Variants in NRXN1 observed in about 807,000 individuals in gnomAD.
The protein encoded by NRXN1 is neurexin 1, also known as neurexin-1.
In NRXN1, 39 loss-of-function variants were observed where a neutral mutation model predicts 150.9. That is an observed-to-expected ratio of 0.26 (90% CI 0.20 to 0.34). The LOEUF is 0.34. NRXN1 is among the 10% of genes least tolerant of loss of function. The pLI is 1.00. For synonymous variants in NRXN1, 924 were observed against 757.0 expected, an observed-to-expected ratio of 1.22 and a Z score of -3.62; for missense variants, 1,815 against 1,949.9, an observed-to-expected ratio of 0.93 and a Z score of 1.30.
intron 5 of NRXN1, among the ~76,000 whole-genome samples, chr2:50,884,446 T>G (rs942505231): frequency 3.3e-5 from 5 of 151,762 alleles, no homozygotes; most frequent in Non-Finnish European, 7.4e-5. Context: ...AAAATGTTTG[T>G]TTGTGAGCAA....
chr2:50,915,384 C>G (rs2104173387), intron 5 of NRXN1, among the ~76,000 whole-genome samples: 1 of 151,634 alleles, frequency 6.6e-6, no homozygotes, highest in African/African-American at 2.4e-5. Context: ...GTCTATCTCC[C>G]TGCCTCCTTC....
intron 5 of NRXN1, among the ~76,000 whole-genome samples, chr2:50,672,612 A>G (rs1285033339): frequency 6.6e-6 from 1 of 152,012 alleles, no homozygotes; most frequent in African/African-American, 2.4e-5. Context: ...TTTTCTTATG[A>G]GTAAAATGTG....
At chr2:50,437,789 T>C (rs1019798640) in intron 17 of NRXN1, among the ~76,000 whole-genome samples, 1 of 152,156 alleles carries the variant, frequency 6.6e-6, no homozygotes, top group Non-Finnish European at 1.5e-5. Context: ...AATACAACGC[T>C]GGTCACCAAG....
At chr2:50,471,186 C>A (rs2089422792) in intron 16 of NRXN1, among the ~76,000 whole-genome samples, 1 of 151,638 alleles carries the variant, frequency 6.6e-6, no homozygotes, top group Non-Finnish European at 1.5e-5. Flanking sequence ...TCTAACATTT[C>A]AGTGAACCTG....
chr2:50,647,708 C>T (rs1573954726), intron 5 of NRXN1, among the ~76,000 whole-genome samples: 1 of 151,924 alleles, frequency 6.6e-6, no homozygotes, highest in African/African-American at 2.4e-5. Context: ...CCAGGATGTT[C>T]ATTACAGCCT....
chr2:50,456,943 A>G (rs1443329306), intron 17 of NRXN1, among the ~76,000 whole-genome samples: 6 of 152,186 alleles, frequency 3.9e-5, no homozygotes, highest in African/African-American at 1.4e-4. Context: ...GGTCAACACA[A>G]TTCTGAATCT....
chr2:50,297,041 C>G (rs1299576736), intron 17 of NRXN1, among the ~76,000 whole-genome samples: 2 of 147,820 alleles, frequency 1.4e-5, no homozygotes, highest in Non-Finnish European at 3.0e-5. Context: ...TGCCACCACA[C>G]CCAGCTAATT....
intron 5 of NRXN1, among the ~76,000 whole-genome samples, chr2:50,734,411 A>G (rs532925738): frequency 3.1e-4 from 47 of 152,308 alleles, no homozygotes; most frequent in African/African-American, 8.9e-4. Flanking sequence ...TCATCATTTC[A>G]AGATAAAATG....
At position 50,457,907 on chromosome 2, in the gene NRXN1, T is replaced by C. The variant is rs187740633; in HGVS notation, c.3364+7535A>G. Among the ~76,000 whole-genome samples, 517 of 152,256 alleles carry C rather than the reference T, an allele frequency of 3.4e-3. 1 individual carries two copies. The highest frequency in any genetic ancestry group is 0.011 in the African/African-American group (477 of 41,558). ...TGGAAATGTGAATTAGTACAACCACTATGGAGAATAGCTTGGTGGTTCCTC... is the reference window on the plus strand; with the variant it reads ...TGGAAATGTGAATTAGTACAACCACCATGGAGAATAGCTTGGTGGTTCCTC... On this transcript the variant is annotated intron_variant, in intron 17 of 22. Transcript: ENST00000401669.
At chr2:50,280,347 A>G (rs2071263359) in intron 17 of NRXN1, among the ~76,000 whole-genome samples, 1 of 152,048 alleles carries the variant, frequency 6.6e-6, no homozygotes, top group African/African-American at 2.4e-5. Context: ...TTAATTTATG[A>G]AATGATTATT....
Position 50,998,333 on chromosome 2 carries a change from T to G in NRXN1, c.772+29169A>C, listed in dbSNP as rs569550366. The stretch of plus-strand genomic sequence containing the variant: ...CACAATTAAGACCTCCTGTACTAAG[T>G]AGAATGTCACTGCATATAGGGTATT... On this transcript the variant is annotated intron_variant, in intron 2 of 22. Coordinates refer to ENST00000401669, the MANE Select transcript of NRXN1 (RefSeq NM_001330078.2). 3.6e-4 allele frequency among the ~76,000 whole-genome samples: 39 copies of G among 108,040 alleles called. 8 individuals carry two copies. Among genetic ancestry groups the G allele is most frequent in the African/African-American group, 2.2e-3 (39 of 17,370 alleles). The allele number at this position is 108,040 out of a possible 152,430, so 70.9% of individuals were successfully genotyped here. A position where few individuals can be genotyped will look rare whatever the true frequency, so the allele number is the denominator to read the frequency against.
chr2:50,185,184 G>T (rs1223777691), intron 18 of NRXN1, among the ~76,000 whole-genome samples: 1 of 152,062 alleles, frequency 6.6e-6, no homozygotes, highest in African/African-American at 2.4e-5. Context: ...AGAATTAGAA[G>T]TACAAACATA....
chr2:50,557,332 A>G (rs748558849), intron 8 of NRXN1, among the ~76,000 whole-genome samples: 2 of 152,196 alleles, frequency 1.3e-5, no homozygotes, highest in Non-Finnish European at 2.9e-5. Context: ...TAACTATGGT[A>G]GTATGCAGGA....
In NRXN1 at chr2:50,994,855, CCTTA is replaced by C. The variant is rs768132740; in HGVS notation, c.772+32643_772+32646del. On this transcript the variant is annotated intron_variant, in intron 2 of 22. Transcript: ENST00000401669. ...AGCACAGGATACAAAATAACCTGAA[CCTTA>C]CTTAGTAAACACATACAAACGGTGA... 5.3e-4 allele frequency among the ~76,000 whole-genome samples: 80 copies of C among 151,872 alleles called. 1 individual carries two copies. Among genetic ancestry groups the C allele is most frequent in the Non-Finnish European group, 9.9e-4 (67 of 67,946 alleles).
intron 17 of NRXN1, among the ~76,000 whole-genome samples, chr2:50,362,353 G>T (rs1220534722): frequency 6.6e-6 from 1 of 152,148 alleles, no homozygotes; most frequent in East Asian, 1.9e-4. Flanking sequence ...AAATCCCATT[G>T]TCTCAGACCA....
chr2:50,069,647 A>C (rs1438990404), intron 19 of NRXN1, among the ~76,000 whole-genome samples: 1 of 151,956 alleles, frequency 6.6e-6, no homozygotes, highest in African/African-American at 2.4e-5. Context: ...CTTTATAATT[A>C]AGCCATTACA....
intron 2 of NRXN1, among the ~76,000 whole-genome samples, chr2:50,945,909 C>T (rs1690288181): frequency 6.8e-6 from 1 of 147,376 alleles, no homozygotes; most frequent in Non-Finnish European, 1.5e-5. Context: ...TACACACACA[C>T]ACACACACAC....
At chr2:50,785,325 T>C (rs1359522847) in intron 5 of NRXN1, among the ~76,000 whole-genome samples, 1 of 145,090 alleles carries the variant, frequency 6.9e-6, no homozygotes, top group Non-Finnish European at 1.5e-5. Flanking sequence ...CTCAGCTCAC[T>C]GCAAGCTCCG....
chr2:50,295,531 A>C (rs948694898), intron 17 of NRXN1, among the ~76,000 whole-genome samples: 1 of 152,214 alleles, frequency 6.6e-6, no homozygotes, highest in African/African-American at 2.4e-5. Flanking sequence ...GAATATGAGC[A>C]ATAAAATAAA....
Sources: allele counts gnomAD v4.1 joint callset (sites outside exome capture counted in the v4.1 genomes callset), GRCh38; gene constraint gnomAD v4.1.1; transcripts MANE v1.5; gene names NCBI Gene and HGNC (gene_info 2026-07-23, HGNC 2026-07-21).